TRDN: variants seen among roughly 807,000 people sequenced by gnomAD.
TRDN encodes the protein triadin in skeletal muscle.
A neutral mutation model predicts 149.7 loss-of-function variants in TRDN; 161 were observed. The observed-to-expected ratio is 1.08, with a 90% CI of 0.95 to 1.23. The LOEUF (loss-of-function observed/expected upper bound fraction) is 1.23, where lower values mean the gene tolerates loss of function less well. Ranked by LOEUF, TRDN falls within the 50% of genes most tolerant of loss-of-function variation. The probability of loss-of-function intolerance (pLI) is 0.00; values close to 1 mark genes in which losing one functional copy is unlikely to be tolerated. For synonymous variants in TRDN, 294 were observed against 250.5 expected, an observed-to-expected ratio of 1.17 and a Z score of -1.64; for missense variants, 896 against 823.5, an observed-to-expected ratio of 1.09 and a Z score of -1.08.
At chr6:123,534,148 A>G (rs1169621105) in intron 4 of TRDN, among the ~76,000 whole-genome samples, 1 of 152,182 alleles carries the variant, frequency 6.6e-6, no homozygotes, top group Non-Finnish European at 1.5e-5. Context: ...AGAGCTCACA[A>G]TAAAGTATAC....
intron 2 of TRDN, among the ~76,000 whole-genome samples, chr6:123,559,123 C>G (rs1781837489): frequency 6.6e-6 from 1 of 152,208 alleles, no homozygotes. Flanking sequence ...TGCCCGATCA[C>G]CTCAAAAGGC....
In TRDN at chr6:123,216,634, T is replaced by G. The variant is rs1310516625; in HGVS notation, c.*1967A>C. On this transcript the variant is annotated 3_prime_UTR_variant, in exon 41 of 41. Transcript: ENST00000334268. ...AATTTACTTTAATATCATATTTATA[T>G]TAAAATATTTTATTTGTCTCCATGG... 1 of 151,958 alleles carries G rather than the reference T, an allele frequency of 6.6e-6. No homozygotes were observed. Among genetic ancestry groups the G allele is most frequent in the Non-Finnish European group, 1.5e-5 (1 of 67,932 alleles). 9.4% of individuals were successfully genotyped at this position (151,958 alleles called of 1,614,324 possible). A position where few individuals can be genotyped will look rare whatever the true frequency, so the allele number is the denominator to read the frequency against.
rs78267972 is a variant in TRDN at position 123,438,001 on chromosome 6, G to A, written c.1051+62C>T. On this transcript the variant is annotated intron_variant, in intron 12 of 40. Transcript: ENST00000334268. ...GCAATTTGTGTATGTTGCATGAGGA[G>A]TCTTTCATGAAGCAAACATCCTGAA... 3.4e-3 allele frequency: 4,762 copies of A among 1,384,740 alleles called. 179 individuals carry two copies. In the East Asian group the frequency reaches 0.09, roughly 26 times the overall value. The allele number at this position is 1,384,740 out of a possible 1,614,324, so 85.8% of individuals were successfully genotyped here. A position where few individuals can be genotyped will look rare whatever the true frequency, so the allele number is the denominator to read the frequency against.
At chr6:123,244,625 G>A (rs1053909663) in intron 38 of TRDN, among the ~76,000 whole-genome samples, 1 of 152,118 alleles carries the variant, frequency 6.6e-6, no homozygotes, top group East Asian at 1.9e-4. Flanking sequence ...TTTAATTGCG[G>A]TATTTAAAGT....
At chr6:123,236,225 A>G (rs943215047) in intron 38 of TRDN, among the ~76,000 whole-genome samples, 3 of 152,200 alleles carry the variant, frequency 2.0e-5, no homozygotes, top group African/African-American at 7.2e-5. Flanking sequence ...GTGCTGTTAT[A>G]TAATGGTGGC....
Position 123,385,351 on chromosome 6 carries a change from C to T in TRDN, c.1135+3171G>A, listed in dbSNP as rs376453837. Among the ~76,000 whole-genome samples the T allele has an allele frequency of 1.6e-4, 24 of 151,566 alleles. No individual in the cohort carries two copies. In the East Asian group the frequency reaches 4.7e-3, roughly 29 times the overall value. ...ACTGAGGCAGGAGAGTGGCATGAAC[C>T]CGGGAGGTGGAGCTCGCAGTGAGCA... is the stretch of plus-strand genomic sequence containing the variant. On this transcript the variant is annotated intron_variant, in intron 14 of 40. Coordinates refer to ENST00000334268, the MANE Select transcript of TRDN (RefSeq NM_006073.4).
chr6:123,225,526 A>G (rs1775321646), intron 38 of TRDN, among the ~76,000 whole-genome samples: 1 of 86,508 alleles, frequency 1.2e-5, no homozygotes, highest in Non-Finnish European at 3.4e-5. Context: ...ACACACACAC[A>G]CACACACATA....
intron 10 of TRDN, chr6:123,462,411 C>T (rs1480372752): frequency 1.3e-5 from 2 of 152,010 alleles, no homozygotes; most frequent in Non-Finnish European, 2.9e-5. Context: ...ACAAAGAAGG[C>T]TTTTATGGGC....
chr6:123,453,032 G>C (rs1239565369), intron 10 of TRDN, among the ~76,000 whole-genome samples: 1 of 152,116 alleles, frequency 6.6e-6, no homozygotes, highest in Non-Finnish European at 1.5e-5. Context: ...ATGGTGCTGG[G>C]ATAATTGGCT....
At chr6:123,279,650 T>C (rs1009753312) in intron 24 of TRDN, among the ~76,000 whole-genome samples, 1 of 152,106 alleles carries the variant, frequency 6.6e-6, no homozygotes, top group Non-Finnish European at 1.5e-5. Context: ...ATTAATTCAC[T>C]GTAATCTAGT....
chr6:123,582,746 T>G (rs1364513276), intron 1 of TRDN, among the ~76,000 whole-genome samples: 1 of 152,140 alleles, frequency 6.6e-6, no homozygotes, highest in African/African-American at 2.4e-5. Context: ...TCCTGTCTTC[T>G]TATATTAATA....
At chr6:123,273,545 A>G (rs1203112307) in intron 27 of TRDN, among the ~76,000 whole-genome samples, 182 bp from the exon 28 acceptor site, 1 of 152,012 alleles carries the variant, frequency 6.6e-6, no homozygotes, top group Non-Finnish European at 1.5e-5. Context: ...GGTAAAACAT[A>G]TCCACCTACA....
Position 123,548,533 on chromosome 6 carries a change from A to G in TRDN, c.312T>C (p.Tyr104=), listed in dbSNP as rs373370373. The G allele has an allele frequency of 1.3e-6, 2 of 1,579,576 alleles. No homozygotes were observed. The highest frequency in any genetic ancestry group is 1.2e-5 in the South Asian group (1 of 85,546). ...DAMEETTDWI[Y]GFFSLLSDII... ...TGTCAGATAACAAAGAAAAGAAGCC[A>G]TAGATCCAGTCCGTGGTTTCCTCCA... is the stretch of plus-strand genomic sequence containing the variant. The change falls in exon 3 of 41, where the codon TAT becomes TAC. Residue 104 remains tyrosine (Y), a synonymous_variant. Coordinates refer to ENST00000334268, the MANE Select transcript of TRDN (RefSeq NM_006073.4).
chr6:123,509,967 T>C (rs1416363802), intron 7 of TRDN: 1 of 152,150 alleles, frequency 6.6e-6, no homozygotes, highest in Non-Finnish European at 1.5e-5. Flanking sequence ...AGAGGTCACT[T>C]TCTTCATCTG....
chr6:123,259,688 A>G lies in TRDN; in HGVS notation c.1832-26T>C, dbSNP rs1450619896. 4 of 1,443,022 alleles carry G rather than the reference A, an allele frequency of 2.8e-6. No homozygotes were observed. In the Admixed American group the frequency reaches 9.7e-5, roughly 35 times the overall value. 89.4% of individuals were successfully genotyped at this position (1,443,022 alleles called of 1,614,324 possible). A position where few individuals can be genotyped will look rare whatever the true frequency, so the allele number is the denominator to read the frequency against. The stretch of plus-strand genomic sequence containing the variant: ...CTAGGGGAAAGAAAAACAACAAGAA[A>G]CCATCATTTTAAAAAACATGACTTT... On this transcript the variant is annotated intron_variant, in intron 34 of 40. Transcript: ENST00000334268.
chr6:123,509,652 C>T (rs1419916987), intron 7 of TRDN: 1 of 152,042 alleles, frequency 6.6e-6, no homozygotes, highest in African/African-American at 2.4e-5. Context: ...CTTTGTTTGC[C>T]ACCTTGTAAG....
At chr6:123,535,960 T>C (rs1490996435) in intron 4 of TRDN, among the ~76,000 whole-genome samples, 1 of 152,134 alleles carries the variant, frequency 6.6e-6, no homozygotes, top group Non-Finnish European at 1.5e-5. Context: ...AAATACAGCT[T>C]AATGTTGAAG....
intron 24 of TRDN, among the ~76,000 whole-genome samples, chr6:123,303,924 C>T (rs1361997912): frequency 6.6e-6 from 1 of 151,944 alleles, no homozygotes; most frequent in Non-Finnish European, 1.5e-5. Flanking sequence ...CAGAAAAAAA[C>T]AGGTTTTACC....
intron 20 of TRDN, among the ~76,000 whole-genome samples, chr6:123,362,647 T>C (rs1780946663): frequency 6.6e-6 from 1 of 152,154 alleles, no homozygotes; most frequent in East Asian, 1.9e-4. Context: ...TTTCCCCAGG[T>C]AAGATTAATT....
Sources: gnomAD v4.1 joint callset for allele counts (sites outside exome capture counted in the v4.1 genomes callset) on GRCh38, gnomAD v4.1.1 for gene constraint, MANE v1.5 for transcripts, NCBI Gene and HGNC (gene_info 2026-07-23, HGNC 2026-07-21) for gene names.